The following DLG1 variants were observed in gnomAD, a reference collection of about 807,000 sequenced individuals.
The protein encoded by DLG1 is discs large MAGUK scaffold protein 1.
DLG1 carries 42 observed loss-of-function variants against 123.4 expected under a neutral mutation model. The ratio of observed to expected loss-of-function variants is 0.34; its 90% CI spans 0.27 to 0.44. The LOEUF is 0.44. Among genes scored for constraint, DLG1 ranks in the 20% least tolerant of loss-of-function variants. The pLI, the probability that DLG1 is intolerant of heterozygous loss-of-function variation, is 1.00. For missense variants in DLG1, 942 were observed against 1,082.6 expected, an observed-to-expected ratio of 0.87 and a Z score of 1.82; for synonymous variants, 317 against 356.2, an observed-to-expected ratio of 0.89 and a Z score of 1.24.
chr3:197,223,884 T>C (rs1738419643), intron 4 of DLG1, among the ~76,000 whole-genome samples: 1 of 152,196 alleles, frequency 6.6e-6, no homozygotes, highest in Non-Finnish European at 1.5e-5. Flanking sequence ...CAAAATACAC[T>C]AATGAAAAAT....
intron 4 of DLG1, among the ~76,000 whole-genome samples, chr3:197,203,706 T>TAACCACTAAAAAATTATCCTTTCA (rs1377052721): frequency 2.0e-5 from 3 of 152,250 alleles, no homozygotes; most frequent in Non-Finnish European, 4.4e-5. Flanking sequence ...TTGCAATCTT[T>TAACCACTAAAAAATTATCCTTTCA]AACCACTAAA....
chr3:197,145,927 T>C (rs965373460), intron 6 of DLG1, among the ~76,000 whole-genome samples: 2 of 151,208 alleles, frequency 1.3e-5, no homozygotes, highest in African/African-American at 4.9e-5. Flanking sequence ...GAGGCGGAGG[T>C]TGCAGTGAGC....
At chr3:197,219,955 G>A (rs573401419) in intron 4 of DLG1, among the ~76,000 whole-genome samples, 4 of 152,236 alleles carry the variant, frequency 2.6e-5, no homozygotes, top group African/African-American at 9.6e-5. Context: ...TTTTTGTTAT[G>A]GCAGCCCTAG....
chr3:197,287,251 C>T (rs1772329638), intron 3 of DLG1, among the ~76,000 whole-genome samples: 1 of 151,896 alleles, frequency 6.6e-6, no homozygotes, highest in South Asian at 2.1e-4. Context: ...TTCAAAACTG[C>T]TGAAAAAAAT....
intron 13 of DLG1, among the ~76,000 whole-genome samples, chr3:197,110,531 T>G (rs1007929875): frequency 3.3e-5 from 5 of 152,194 alleles, no homozygotes; most frequent in African/African-American, 1.2e-4. Flanking sequence ...TTGATTGCGT[T>G]TTTCTCCTGT....
intron 24 of DLG1, among the ~76,000 whole-genome samples, chr3:197,046,642 T>C (rs1723298626): frequency 1.3e-5 from 2 of 151,934 alleles, no homozygotes. Context: ...GAGGTCAAGG[T>C]GAAGGTGGGC....
At chr3:197,245,049 T>C (rs956539333) in intron 4 of DLG1, among the ~76,000 whole-genome samples, 10 of 152,156 alleles carry the variant, frequency 6.6e-5, no homozygotes, top group Admixed American at 2.0e-4. Context: ...AATAAGGCAA[T>C]AGGAAGGCAC....
chr3:197,101,130 G>A (rs555244958), intron 14 of DLG1, among the ~76,000 whole-genome samples: 14 of 152,088 alleles, frequency 9.2e-5, no homozygotes, highest in African/African-American at 2.9e-4. Context: ...TCACAGGCCC[G>A]TTACTGAACA....
Position 197,149,743 on chromosome 3 carries a change from G to C in DLG1, c.537C>G (p.Tyr179Ter). ...AATGTGGGGAGGAAATGGAACTTAC[G>C]TAAGTTGGTGTTTCCAAGCTATCTG... ...VNTDSLETPT[Y>*]VNGTDADYEY... Residue 179 changes from tyrosine to a stop codon, truncating the protein, a stop_gained and splice_region_variant, in exon 6 of 25, where the codon TAC (tyrosine) becomes TAG (stop). Transcript: ENST00000667157. LOFTEE classifies it high-confidence loss of function. 1 of 1,592,760 alleles carries C rather than the reference G, an allele frequency of 6.3e-7. No homozygotes were observed. The highest frequency in any genetic ancestry group is 8.6e-7 in the Non-Finnish European group (1 of 1,161,064).
chr3:197,263,256 G>A (rs1239787865), intron 4 of DLG1, among the ~76,000 whole-genome samples: 4 of 152,098 alleles, frequency 2.6e-5, no homozygotes, highest in Non-Finnish European at 5.9e-5. Flanking sequence ...GCATCCCTAA[G>A]TTTGGCAGAC....
chr3:197,213,492 G>C (rs934288308), intron 4 of DLG1, among the ~76,000 whole-genome samples: 2 of 152,118 alleles, frequency 1.3e-5, no homozygotes, highest in Admixed American at 1.3e-4. Context: ...GGTTTCACAG[G>C]GGTCTGCAGC....
At chr3:197,253,081 T>G (rs1755245840) in intron 4 of DLG1, among the ~76,000 whole-genome samples, 1 of 152,024 alleles carries the variant, frequency 6.6e-6, no homozygotes, top group Non-Finnish European at 1.5e-5. Context: ...TTCATCAAAA[T>G]TAAAAGGTTT....
At chr3:197,115,747 A>T (rs1772926071) in intron 13 of DLG1, among the ~76,000 whole-genome samples, 180 bp downstream of exon 13, 2 of 152,230 alleles carry the variant, frequency 1.3e-5, no homozygotes, top group Admixed American at 1.3e-4. Flanking sequence ...CCTTTCTATA[A>T]AAGAACACCT....
Position 197,136,589 on chromosome 3 carries a change from C to A in DLG1, c.973G>T (p.Ala325Ser). ...TGAAGTTTGCCATCCTTATGTGCTG[C>A]ACCTCCTTCAATTATTTTGGTTACA... ...IYVTKIIEGG[A>S]AHKDGKLQIG... Residue 325 changes from alanine (A) to serine (S), a missense_variant, in exon 10 of 25, where the codon GCA (alanine) becomes TCA (serine). Ala to Ser is a moderately conservative substitution (Grantham distance 99). Coordinates refer to ENST00000667157, the MANE Select transcript of DLG1 (RefSeq NM_001366207.1). 1 of 1,613,302 alleles carries A rather than the reference C, an allele frequency of 6.2e-7. No homozygotes were observed. The highest frequency in any genetic ancestry group is 8.5e-7 in the Non-Finnish European group (1 of 1,179,580).
rs1212626156 is a variant in DLG1, at chr3:197,295,659, A to T, written c.151+687T>A. On this transcript the variant is annotated intron_variant, in intron 3 of 24. Transcript: ENST00000667157. ...TAAAAATGATTTATCTACTTAAAAAAGGCTTTAAACCCATTCTGTCATTTC... is the reference window on the plus strand; with the variant it reads ...TAAAAATGATTTATCTACTTAAAAATGGCTTTAAACCCATTCTGTCATTTC... 2.0e-5 allele frequency among the ~76,000 whole-genome samples: 3 copies of T among 152,216 alleles called. No individual in the cohort carries two copies. The South Asian group carries it at 6.2e-4, about 32-fold the overall frequency.
intron 14 of DLG1, among the ~76,000 whole-genome samples, chr3:197,101,707 AG>A (rs1222678740): frequency 6.6e-6 from 1 of 152,054 alleles, no homozygotes; most frequent in African/African-American, 2.4e-5. Context: ...CTTAAACTAT[AG>A]GAAGTATGTG....
chr3:197,176,268 C>T (rs976118983), intron 5 of DLG1, among the ~76,000 whole-genome samples: 1 of 152,130 alleles, frequency 6.6e-6, no homozygotes, highest in East Asian at 1.9e-4. Context: ...ATAATCAACA[C>T]CCCTGCATTT....
rs553242547 is a variant in DLG1 at position 197,098,190 on chromosome 3, T to A, written c.1546+6713A>T. On this transcript the variant is annotated intron_variant, in intron 14 of 24. Transcript: ENST00000667157. Reference sequence around the variant, plus strand: ...TTCCCTTCATGTTTTGTTTGCTAATTCCTTAAAAGTTCTGCAATGCTTTTT... The same window carrying A: ...TTCCCTTCATGTTTTGTTTGCTAATACCTTAAAAGTTCTGCAATGCTTTTT... 2.6e-5 allele frequency among the ~76,000 whole-genome samples: 4 copies of A among 152,320 alleles called. No homozygotes were observed. The South Asian group carries it at 8.3e-4, about 32-fold the overall frequency.
At chr3:197,128,429 C>T (rs887689485) in intron 11 of DLG1, among the ~76,000 whole-genome samples, 3 of 152,158 alleles carry the variant, frequency 2.0e-5, no homozygotes, top group East Asian at 1.9e-4. Flanking sequence ...ATTATTTCTA[C>T]CAATTTGCAG....
Sources: gnomAD v4.1 joint callset for allele counts (sites outside exome capture counted in the v4.1 genomes callset) on GRCh38, gnomAD v4.1.1 for gene constraint, MANE v1.5 for transcripts, NCBI Gene and HGNC (gene_info 2026-07-23, HGNC 2026-07-21) for gene names.